Variants in SEMA6D observed in about 807,000 individuals in gnomAD.
The protein encoded by SEMA6D is semaphorin 6D, also known as semaphorin-6D.
SEMA6D carries 35 observed loss-of-function variants against 106.6 expected under a neutral mutation model. The ratio of observed to expected loss-of-function variants is 0.33; its 90% CI spans 0.25 to 0.44. The LOEUF (loss-of-function observed/expected upper bound fraction) is 0.44. Ranked by LOEUF, SEMA6D falls within the 20% of genes least tolerant of loss-of-function variation. SEMA6D has a pLI of 1.00. For synonymous variants in SEMA6D, 499 were observed against 487.7 expected, an observed-to-expected ratio of 1.02 and a Z score of -0.31; for missense variants, 1,185 against 1,345.9, an observed-to-expected ratio of 0.88 and a Z score of 1.87.
chr15:47,365,874 AAGAGAGAGAGAGAGAGGAGAGAGAGAG>A (rs1239970868), intron 1 of SEMA6D, among the ~76,000 whole-genome samples: 2 of 127,790 alleles, frequency 1.6e-5, no homozygotes, highest in Admixed American at 8.3e-5. Context: ...GAAAGAAAGA[AAGAGAGAGAGAGAGAGGAGAGAGAGAG>A]AGAGAGAGAG....
intron 2 of SEMA6D, among the ~76,000 whole-genome samples, chr15:47,429,715 C>T (rs556532340): frequency 4.6e-5 from 7 of 152,078 alleles, no homozygotes; most frequent in African/African-American, 1.4e-4. Context: ...CTGTCAAAGT[C>T]CACTGATGAT....
chr15:47,740,207 G>A (rs2080719956), intron 1 of SEMA6D, among the ~76,000 whole-genome samples: 1 of 152,108 alleles, frequency 6.6e-6, no homozygotes, highest in African/African-American at 2.4e-5. Context: ...TAGTATTTTT[G>A]TTGATAGTTG....
Position 47,631,759 on chromosome 15 carries a change from C to T in SEMA6D, c.-55+30863C>T, listed in dbSNP as rs143148098. The stretch of plus-strand genomic sequence containing the variant: ...GTGAAACTCATTTCAGACTTCAGAT[C>T]TCCAGAACTATAAGAGAATGAATGT... On this transcript the variant is annotated intron_variant, in intron 4 of 19. Transcript: ENST00000558014. Among the ~76,000 whole-genome samples the T allele has an allele frequency of 1.1e-4, 16 of 152,070 alleles. No individual in the cohort carries two copies. The East Asian group carries it at 2.9e-3, about 28-fold the overall frequency.
chr15:47,606,111 T>TA (rs981220393), intron 4 of SEMA6D: 1 of 151,372 alleles, frequency 6.6e-6, no homozygotes, highest in Non-Finnish European at 1.5e-5. Flanking sequence ...CTACTTTTTT[T>TA]ATATATATAG....
intron 3 of SEMA6D, among the ~76,000 whole-genome samples, chr15:47,580,135 A>G (rs1420360350): frequency 6.6e-6 from 1 of 152,144 alleles, no homozygotes; most frequent in Non-Finnish European, 1.5e-5. Context: ...GTTAGTAGAG[A>G]ATGATTAAAT....
chr15:47,668,767 G>A (rs1045120053), intron 4 of SEMA6D, among the ~76,000 whole-genome samples: 1 of 152,094 alleles, frequency 6.6e-6, no homozygotes, highest in African/African-American at 2.4e-5. Context: ...TAACCATTCT[G>A]AATGTGGGTG....
chr15:47,756,169 G>A (rs2081719569), intron 1 of SEMA6D, among the ~76,000 whole-genome samples: 1 of 152,162 alleles, frequency 6.6e-6, no homozygotes, highest in African/African-American at 2.4e-5. Context: ...ATGTAGGAAT[G>A]TTCTTTACCC....
intron 1 of SEMA6D, among the ~76,000 whole-genome samples, chr15:47,196,491 T>C (rs929752253): frequency 6.6e-6 from 1 of 152,160 alleles, no homozygotes; most frequent in Non-Finnish European, 1.5e-5. Context: ...CCCTAAAATA[T>C]GGGGAAATTG....
At chr15:47,286,121 C>A (rs1010134666) in intron 1 of SEMA6D, among the ~76,000 whole-genome samples, 16 of 152,156 alleles carry the variant, frequency 1.1e-4, no homozygotes, top group Admixed American at 9.2e-4. Flanking sequence ...ACCTGTCTAG[C>A]CTTCATGGTC....
intron 1 of SEMA6D, among the ~76,000 whole-genome samples, chr15:47,228,384 TTAA>T (rs1248627574): frequency 6.6e-6 from 1 of 151,932 alleles, no homozygotes; most frequent in Admixed American, 6.6e-5. Context: ...CTATGAGGAC[TTAA>T]TAAACTATTG....
chr15:47,342,267 T>C (rs1398939932), intron 1 of SEMA6D, among the ~76,000 whole-genome samples: 1 of 152,228 alleles, frequency 6.6e-6, no homozygotes, highest in African/African-American at 2.4e-5. Flanking sequence ...TTGCCTGCAC[T>C]GCAGCAGGGC....
At chr15:47,425,883 A>C (rs2041320785) in intron 2 of SEMA6D, among the ~76,000 whole-genome samples, 2 of 151,990 alleles carry the variant, frequency 1.3e-5, no homozygotes, top group African/African-American at 4.8e-5. Flanking sequence ...TATGATCTAA[A>C]GTCTCCCTTC....
intron 1 of SEMA6D, among the ~76,000 whole-genome samples, chr15:47,211,569 C>G (rs1304873114): frequency 6.6e-6 from 1 of 152,026 alleles, no homozygotes; most frequent in African/African-American, 2.4e-5. Flanking sequence ...TATCCTGTGG[C>G]ATAAATAATA....
At chr15:47,371,413 C>T (rs746155557) in intron 1 of SEMA6D, among the ~76,000 whole-genome samples, 7 of 152,194 alleles carry the variant, frequency 4.6e-5, no homozygotes, top group African/African-American at 9.7e-5. Context: ...TGCTAACCAT[C>T]ATGCTTATGA....
At chr15:47,547,333 A>G (rs189326801) in intron 3 of SEMA6D, among the ~76,000 whole-genome samples, 11 of 152,270 alleles carry the variant, frequency 7.2e-5, no homozygotes, top group Admixed American at 3.9e-4. Flanking sequence ...TAATCACAGG[A>G]AAATTGTTGT....
intron 3 of SEMA6D, among the ~76,000 whole-genome samples, chr15:47,535,958 T>C (rs565738301): frequency 6.6e-6 from 1 of 151,834 alleles, no homozygotes; most frequent in Admixed American, 6.6e-5. Flanking sequence ...TGGGGAGGAG[T>C]GGGCAAGAAG....
chr15:47,329,823 A>G (rs577445385), intron 1 of SEMA6D, among the ~76,000 whole-genome samples: 1 of 152,308 alleles, frequency 6.6e-6, no homozygotes, highest in East Asian at 1.9e-4. Context: ...AGTTTGAGAA[A>G]CAGAACTTGA....
chr15:47,572,091 T>G (rs2142915211), intron 3 of SEMA6D, among the ~76,000 whole-genome samples: 1 of 152,306 alleles, frequency 6.6e-6, no homozygotes, highest in South Asian at 2.1e-4. Context: ...AGGAAACACC[T>G]CCTTGATCAC....
At chr15:47,710,043 C>G (rs2078985532) in intron 4 of SEMA6D, among the ~76,000 whole-genome samples, 1 of 152,228 alleles carries the variant, frequency 6.6e-6, no homozygotes, top group Non-Finnish European at 1.5e-5. Flanking sequence ...CTTTTACAAG[C>G]AAAAGCCTAG....
Sources: gnomAD v4.1 joint callset for allele counts (sites outside exome capture counted in the v4.1 genomes callset) on GRCh38, gnomAD v4.1.1 for gene constraint, MANE v1.5 for transcripts, NCBI Gene and HGNC (gene_info 2026-07-23, HGNC 2026-07-21) for gene names.